SETD2: variants seen among roughly 807,000 people sequenced by gnomAD.
SETD2 encodes the protein SET domain containing 2, histone lysine methyltransferase, also known as histone-lysine N-methyltransferase SETD2.
SETD2 carries 31 observed loss-of-function variants against 242.1 expected under a neutral mutation model. The observed-to-expected ratio is 0.13, with a 90% CI of 0.10 to 0.17. The LOEUF (loss-of-function observed/expected upper bound fraction) is 0.17. SETD2 is among the 10% of genes least tolerant of loss of function. SETD2 has a pLI of 1.00. For synonymous variants in SETD2, 1,006 were observed against 1,066.5 expected (o/e 0.94, Z 1.11); for missense variants, 2,481 against 3,046.3 (o/e 0.81, Z 4.37).
In SETD2 at chr3:47,121,018, A is replaced by G. The variant is rs1479130955; in HGVS notation, c.3618T>C (p.Ser1206=). The part of the protein sequence containing the change: ...SRQQEELPIY[S]SDFEDVPNKS... ...TATTTGGGACATCTTCAAAATCAGA[A>G]GAATAAATTGGCAGCTCTTCTTGCT... The change falls in exon 3 of 21, where the codon TCT becomes TCC. Residue 1206 remains serine, a synonymous_variant. Coordinates refer to ENST00000409792, the MANE Select transcript of SETD2 (RefSeq NM_014159.7). The G allele has an allele frequency of 4.3e-6, 7 of 1,614,222 alleles. No individual in the cohort carries two copies. Among genetic ancestry groups the G allele is most frequent in the East Asian group, 2.2e-5 (1 of 44,886 alleles).
intron 17 of SETD2, chr3:47,041,503 A>C (rs1009766884): frequency 3.9e-6 from 1 of 258,590 alleles, no homozygotes; most frequent in Non-Finnish European, 7.8e-6. Context: ...AAAGAAAAAA[A>C]AAATTTTAAA....
intron 18 of SETD2, among the ~76,000 whole-genome samples, chr3:47,024,664 G>T (rs1392070518): frequency 6.6e-6 from 1 of 152,138 alleles, no homozygotes; most frequent in African/African-American, 2.4e-5. Context: ...AAATACATTG[G>T]CTCTTGATGC....
chr3:47,037,660 A>G lies in SETD2; in HGVS notation c.7350+6T>C, dbSNP rs369951554. The G allele has an allele frequency of 2.5e-4, 395 of 1,602,532 alleles. No individual in the cohort carries two copies. The highest frequency in any genetic ancestry group is 3.1e-4 in the Non-Finnish European group (363 of 1,169,910). Reference sequence around the variant, plus strand: ...ATCAGGAAATACATGTGTAAGCCACACTCACCTTCATGGGGTTTTCATCAT... The same window carrying G: ...ATCAGGAAATACATGTGTAAGCCACGCTCACCTTCATGGGGTTTTCATCAT... On this transcript the variant is annotated splice_donor_region_variant and intron_variant, in intron 18 of 20. Coordinates refer to ENST00000409792, the MANE Select transcript of SETD2 (RefSeq NM_014159.7).
chr3:47,113,332 T>C (rs895476463), intron 5 of SETD2, among the ~76,000 whole-genome samples: 1 of 152,158 alleles, frequency 6.6e-6, no homozygotes, highest in African/African-American at 2.4e-5. Context: ...CAACTTCTTT[T>C]TATATAGCTT....
At position 47,132,131 on chromosome 3, in the gene SETD2, CT is replaced by C. The variant is rs531246872; in HGVS notation, c.72-5469del. Among the ~76,000 whole-genome samples, 1,169 of 129,572 alleles carry C rather than the reference CT, an allele frequency of 9.0e-3. 5 individuals are homozygous for C. The highest frequency in any genetic ancestry group is 0.023 in the African/African-American group (781 of 34,068). The allele number at this position is 129,572 out of a possible 152,430, so 85.0% of individuals were successfully genotyped here. A position where few individuals can be genotyped will look rare whatever the true frequency, so the allele number is the denominator to read the frequency against. On this transcript the variant is annotated intron_variant, in intron 1 of 20. Coordinates refer to ENST00000409792, the MANE Select transcript of SETD2 (RefSeq NM_014159.7). Reference sequence around the variant, plus strand: ...TGTGCATATATGAACATACACATATCTTTTTTTTTTTTTTTTTTTGAGACAG... The same window carrying C: ...TGTGCATATATGAACATACACATATCTTTTTTTTTTTTTTTTTTGAGACAG...
chr3:47,078,667 T>C (rs1172002943), intron 12 of SETD2, among the ~76,000 whole-genome samples: 1 of 152,026 alleles, frequency 6.6e-6, no homozygotes, highest in African/African-American at 2.4e-5. Context: ...CACAGAAGAA[T>C]ATCCTTGGTT....
At chr3:47,116,162 G>A (rs1156352294) in intron 4 of SETD2, among the ~76,000 whole-genome samples, 1 of 150,284 alleles carries the variant, frequency 6.7e-6, no homozygotes, top group African/African-American at 2.5e-5. Context: ...TACATAAAAA[G>A]AGGAAAACAT....
At chr3:47,026,468 G>A (rs1333211456) in intron 18 of SETD2, among the ~76,000 whole-genome samples, 1 of 152,164 alleles carries the variant, frequency 6.6e-6, no homozygotes, top group Non-Finnish European at 1.5e-5. Context: ...ATACCACAAG[G>A]ATTATAAATC....
At chr3:47,103,276 G>C (rs2107687742) in intron 7 of SETD2, 70 bp downstream of exon 7, 1 of 974,550 alleles carries the variant, frequency 1.0e-6, no homozygotes. Context: ...TTAGATATGG[G>C]ATCTAAAATT....
intron 1 of SETD2, 71 bp downstream of exon 1, chr3:47,163,783 T>C (rs2106867702): frequency 8.6e-7 from 1 of 1,157,746 alleles, no homozygotes; most frequent in Non-Finnish European, 1.1e-6. Flanking sequence ...CCGCCACCCG[T>C]CAGGACGCGC....
intron 9 of SETD2, among the ~76,000 whole-genome samples, chr3:47,093,480 C>T (rs1224852383): frequency 6.6e-6 from 1 of 152,076 alleles, no homozygotes; most frequent in Non-Finnish European, 1.5e-5. Context: ...GACAGGGTTT[C>T]ATCATGTTGG....
chr3:47,079,897 T>C (rs1231961081), intron 12 of SETD2, among the ~76,000 whole-genome samples: 3 of 152,236 alleles, frequency 2.0e-5, no homozygotes, highest in Non-Finnish European at 4.4e-5. Context: ...AATTTCAATG[T>C]TGCTGTAGCT....
rs1289774355 is a variant in SETD2 at position 47,017,904 on chromosome 3, G to T, written c.7432-165C>A. On this transcript the variant is annotated intron_variant, in intron 19 of 20. Transcript: ENST00000409792. The surrounding 1 kb of genome is among the most constrained non-coding windows in gnomAD (Gnocchi z 4.8). ...CAGTGGAATACTAGTAAGCCAGTAAGATCTGAGAAAAGGATACGGGCTCAG... is the reference window on the plus strand; with the variant it reads ...CAGTGGAATACTAGTAAGCCAGTAATATCTGAGAAAAGGATACGGGCTCAG... Among the ~76,000 whole-genome samples the T allele has an allele frequency of 6.6e-6, 1 of 152,240 alleles. No homozygotes were observed. The highest frequency in any genetic ancestry group is 1.9e-4 in the East Asian group (1 of 5,202).
At chr3:47,164,226 CCTTGCAGCTGTTGG>C (rs1697603821), upstream of SETD2, among the ~76,000 whole-genome samples, 1 of 152,194 alleles carries the variant, frequency 6.6e-6, no homozygotes, top group African/African-American at 2.4e-5. The surrounding 1 kb of genome is among the most constrained non-coding windows in gnomAD (Gnocchi z 5.4). Context: ...AGTCGGCGTG[CCTTGCAGCTGTTGG>C]CTTGACCCCA....
At chr3:47,132,126 C>T (rs2043492153) in intron 1 of SETD2, among the ~76,000 whole-genome samples, 1 of 148,560 alleles carries the variant, frequency 6.7e-6, no homozygotes, top group Non-Finnish European at 1.5e-5. Context: ...TGAACATACA[C>T]ATATCTTTTT....
chr3:47,125,577 T>C (rs2043300325), intron 2 of SETD2, among the ~76,000 whole-genome samples: 1 of 152,170 alleles, frequency 6.6e-6, no homozygotes, highest in Admixed American at 6.5e-5. Flanking sequence ...ACAGATGAGG[T>C]AACCAAATGA....
chr3:47,150,885 A>G (rs1048135745), intron 1 of SETD2, among the ~76,000 whole-genome samples: 17 of 151,060 alleles, frequency 1.1e-4, no homozygotes, highest in Admixed American at 3.3e-4. Context: ...GTGCCACTAC[A>G]TTTCAGCCTG....
rs759803434 is a variant in SETD2, at chr3:47,120,768, C to A, written c.3868G>T (p.Ala1290Ser). 6.2e-7 allele frequency: 1 copy of A among 1,614,210 alleles called. No individual in the cohort carries two copies. Among genetic ancestry groups the A allele is most frequent in the South Asian group, 1.1e-5 (1 of 91,080 alleles). Residue 1290 changes from alanine (A) to serine (S), a missense_variant, in exon 3 of 21, where the codon GCA (alanine) becomes TCA (serine). Ala to Ser is a moderately conservative substitution (Grantham distance 99). Transcript: ENST00000409792. ...TCACGTGTCCCACCATACTGTTCTGCATTTTGCTGATACTTGTGTCCACCA... is the reference window on the plus strand; with the variant it reads ...TCACGTGTCCCACCATACTGTTCTGAATTTTGCTGATACTTGTGTCCACCA... ...ACGGHKYQQN[A>S]EQYGGTRDYW...
At chr3:47,154,729 C>G (rs1011562826) in intron 1 of SETD2, among the ~76,000 whole-genome samples, 12 of 152,156 alleles carry the variant, frequency 7.9e-5, no homozygotes, top group Non-Finnish European at 1.8e-4. Flanking sequence ...CGCGGTGGCT[C>G]AGGCCTGTAA....
Sources: gnomAD v4.1 joint callset for allele counts (sites outside exome capture counted in the v4.1 genomes callset) on GRCh38, gnomAD v4.1.1 for gene constraint, Gnocchi (gnomAD v3.1) non-coding constraint, MANE v1.5 for transcripts, NCBI Gene and HGNC (gene_info 2026-07-23, HGNC 2026-07-21) for gene names.